The following PPFIA1 variants were observed in gnomAD, a reference collection of about 807,000 sequenced individuals.
PPFIA1 encodes the protein PPFI scaffold protein A1.
In PPFIA1, 25 loss-of-function variants were observed where a neutral mutation model predicts 149.9. The ratio of observed to expected loss-of-function variants is 0.17; its 90% CI spans 0.12 to 0.23. PPFIA1 has a LOEUF of 0.23. Ranked by LOEUF, PPFIA1 falls within the 10% of genes least tolerant of loss-of-function variation. The probability of loss-of-function intolerance (pLI) is 1.00; values close to 1 mark genes in which losing one functional copy is unlikely to be tolerated. For missense variants in PPFIA1, 1,362 were observed against 1,506.5 expected (o/e 0.90, Z 1.59); for synonymous variants, 549 against 552.8 (o/e 0.99, Z 0.10).
At chr11:70,272,029 C>G (rs1291775728) in intron 1 of PPFIA1, 144 bp from the exon 2 acceptor site, 2 of 937,992 alleles carry the variant, frequency 2.1e-6, no homozygotes, top group African/African-American at 3.3e-5. Flanking sequence ...GTATGTTTTC[C>G]CAGCTTATTT....
chr11:70,328,822 G>A (rs1332747079), intron 7 of PPFIA1, among the ~76,000 whole-genome samples: 1 of 152,080 alleles, frequency 6.6e-6, no homozygotes, highest in Non-Finnish European at 1.5e-5. Flanking sequence ...TTGTCTAATC[G>A]GTGATGTTGA....
intron 5 of PPFIA1, 134 bp from the exon 6 acceptor site, chr11:70,326,128 C>T: frequency 1.7e-6 from 1 of 575,282 alleles, no homozygotes; most frequent in Non-Finnish European, 3.1e-6. Context: ...GATTGGGTAG[C>T]ATTGCCATAT....
intron 8 of PPFIA1, among the ~76,000 whole-genome samples, chr11:70,331,528 C>G (rs971725897): frequency 6.6e-6 from 1 of 152,150 alleles, no homozygotes; most frequent in Non-Finnish European, 1.5e-5. Context: ...ACCTGTAATC[C>G]CACCACTTTG....
At chr11:70,359,230 T>C (rs1591334080) in intron 19 of PPFIA1, among the ~76,000 whole-genome samples, 1 of 152,194 alleles carries the variant, frequency 6.6e-6, no homozygotes, top group Non-Finnish European at 1.5e-5. Flanking sequence ...ACCAGGCTGG[T>C]CTTGAACTCC....
intron 2 of PPFIA1, among the ~76,000 whole-genome samples, chr11:70,301,124 C>T (rs1428334689): frequency 5.3e-5 from 8 of 152,144 alleles, no homozygotes; most frequent in Non-Finnish European, 1.0e-4. Context: ...TGATCTTGGC[C>T]AAGATAGTTC....
At chr11:70,282,338 TCTTA>T (rs2050808519) in intron 2 of PPFIA1, 1 of 152,526 alleles carries the variant, frequency 6.6e-6, no homozygotes, top group Admixed American at 6.6e-5. Flanking sequence ...TGGTGTTTAG[TCTTA>T]CTTTGGAGAT....
At position 70,277,058 on chromosome 11, in the gene PPFIA1, A is replaced by ATTTTT. The variant is rs34038893; in HGVS notation, c.264+4623_264+4624insTTTTT. On this transcript the variant is annotated intron_variant, in intron 2 of 27. Transcript: ENST00000253925. ...TTGAGATATATATATATATATATAT[A>ATTTTT]TATTTTTTTTTTTCCAGGCACAGTC... is the stretch of plus-strand genomic sequence containing the variant. Among the ~76,000 whole-genome samples the ATTTTT allele has an allele frequency of 1.5e-3, 78 of 52,528 alleles. 1 individual carries two copies. The highest frequency in any genetic ancestry group is 8.7e-3 in the African/African-American group (74 of 8,546). 34.5% of individuals were successfully genotyped at this position (52,528 alleles called of 152,430 possible). A position where few individuals can be genotyped will look rare whatever the true frequency, so the allele number is the denominator to read the frequency against.
At chr11:70,367,683 A>T (rs576908070) in intron 21 of PPFIA1, 2 of 452,466 alleles carry the variant, frequency 4.4e-6, no homozygotes, top group East Asian at 1.4e-4. Flanking sequence ...GTTATAGGCC[A>T]CTTCAGGAGT....
At chr11:70,309,243 G>A (rs561921341) in intron 2 of PPFIA1, among the ~76,000 whole-genome samples, 5 of 151,670 alleles carry the variant, frequency 3.3e-5, no homozygotes, top group East Asian at 1.9e-4. Context: ...GATCTCTGCC[G>A]ACCGCAACCT....
intron 16 of PPFIA1, chr11:70,349,952 C>T (rs1282896470): frequency 2.2e-6 from 1 of 455,422 alleles, no homozygotes; most frequent in African/African-American, 2.0e-5. Context: ...TAATCCAGAC[C>T]TCAGGTCCCC....
At chr11:70,314,693 T>A (rs2136593609) in intron 2 of PPFIA1, among the ~76,000 whole-genome samples, 1 of 152,292 alleles carries the variant, frequency 6.6e-6, no homozygotes, top group South Asian at 2.1e-4. Context: ...TATGTTTTTT[T>A]AACTCAATAT....
In PPFIA1 at chr11:70,345,759, C is replaced by T. The variant is rs1018326504; in HGVS notation, c.1931+1867C>T. 3.9e-5 allele frequency among the ~76,000 whole-genome samples: 6 copies of T among 152,206 alleles called. No individual in the cohort carries two copies. The East Asian group carries it at 7.7e-4, about 20-fold the overall frequency. On this transcript the variant is annotated intron_variant, in intron 15 of 27. Transcript: ENST00000253925. ...GGAGGATCCCTTGAGCCCAGGAGTT[C>T]GAGGCTGCAGCGAGCTGTGATCATG... is the stretch of plus-strand genomic sequence containing the variant.
intron 2 of PPFIA1, among the ~76,000 whole-genome samples, chr11:70,274,113 G>A (rs553449516): frequency 6.6e-6 from 1 of 152,262 alleles, no homozygotes; most frequent in South Asian, 2.1e-4. Flanking sequence ...CCTGATTCCA[G>A]CCTTTCAAAA....
At chr11:70,282,671 G>A (rs1407348437) in intron 2 of PPFIA1, among the ~76,000 whole-genome samples, 2 of 150,646 alleles carry the variant, frequency 1.3e-5, no homozygotes, top group Admixed American at 6.6e-5. Flanking sequence ...TGGGACTACA[G>A]GTGCCCGCCA....
chr11:70,331,909 T>C (rs1158006323), intron 8 of PPFIA1, 51 bp from the exon 9 acceptor site: 2 of 1,564,662 alleles, frequency 1.3e-6, no homozygotes, highest in African/African-American at 1.4e-5. Context: ...TGTTAAAAAC[T>C]GATCAGCTAG....
chr11:70,353,549 C>T (rs2056190321), intron 16 of PPFIA1, among the ~76,000 whole-genome samples: 1 of 152,184 alleles, frequency 6.6e-6, no homozygotes, highest in African/African-American at 2.4e-5. Flanking sequence ...CTGTTGTTAA[C>T]CACCATCCTG....
At chr11:70,315,891 G>A (rs2053592926) in intron 2 of PPFIA1, among the ~76,000 whole-genome samples, 2 of 151,612 alleles carry the variant, frequency 1.3e-5, no homozygotes, top group Non-Finnish European at 2.9e-5. Flanking sequence ...TCCCCACCCA[G>A]CGTTGTCCAG....
intron 2 of PPFIA1, among the ~76,000 whole-genome samples, chr11:70,303,104 G>A (rs559433563): frequency 6.6e-6 from 1 of 152,224 alleles, no homozygotes; most frequent in Non-Finnish European, 1.5e-5. Context: ...TTTCAGTTGT[G>A]GTCTCCCATG....
intron 2 of PPFIA1, among the ~76,000 whole-genome samples, chr11:70,283,658 G>A (rs2050912263): frequency 6.6e-6 from 1 of 151,822 alleles, no homozygotes; most frequent in African/African-American, 2.4e-5. Context: ...CCCAAACTAG[G>A]ATGCTAGAAT....
Sources: gnomAD v4.1 joint callset for allele counts (sites outside exome capture counted in the v4.1 genomes callset) on GRCh38, gnomAD v4.1.1 for gene constraint, MANE v1.5 for transcripts, NCBI Gene and HGNC (gene_info 2026-07-23, HGNC 2026-07-21) for gene names.